MTOR: variants seen among roughly 807,000 people sequenced by gnomAD.
MTOR encodes mechanistic target of rapamycin kinase, also known as serine/threonine-protein kinase mTOR.
MTOR carries 70 observed loss-of-function variants against 319.8 expected under a neutral mutation model. The observed-to-expected ratio is 0.22, with a 90% confidence interval of 0.18 to 0.27. The LOEUF is 0.27. MTOR is among the 10% of genes least tolerant of loss of function. MTOR has a pLI of 1.00. For synonymous variants in MTOR, 1,183 were observed against 1,211.4 expected, an observed-to-expected ratio of 0.98 and a Z score of 0.49; for missense variants, 1,890 against 3,274.4, an observed-to-expected ratio of 0.58 and a Z score of 10.32.
intron 14 of MTOR, 85 bp downstream of exon 14, chr1:11,234,057 AC>A: frequency 6.4e-7 from 1 of 1,567,680 alleles, no homozygotes; most frequent in South Asian, 1.1e-5. Flanking sequence ...TGTTCAGTGT[AC>A]TAGTGAACAC....
intron 28 of MTOR, among the ~76,000 whole-genome samples, chr1:11,168,255 G>A (rs1276864154): frequency 6.6e-6 from 1 of 151,076 alleles, no homozygotes; most frequent in Non-Finnish European, 1.5e-5. Flanking sequence ...TGTTGTCCAG[G>A]CTGGTCTCGG....
intron 6 of MTOR, among the ~76,000 whole-genome samples, chr1:11,249,287 T>C (rs1010748453): frequency 6.6e-6 from 1 of 152,040 alleles, no homozygotes; most frequent in African/African-American, 2.4e-5. Context: ...GAGAAGGAGA[T>C]ACAAGTTTTC....
At chr1:11,151,654 C>G (rs949453668) in intron 30 of MTOR, among the ~76,000 whole-genome samples, 1 of 152,196 alleles carries the variant, frequency 6.6e-6, no homozygotes, top group African/African-American at 2.4e-5. Context: ...CCAGGGGTCA[C>G]AGTTTGAGAA....
chr1:11,126,530 G>T, intron 46 of MTOR, 92 bp downstream of exon 46: 1 of 1,388,640 alleles, frequency 7.2e-7, no homozygotes, highest in Non-Finnish European at 9.9e-7. Context: ...GGTGAGTAGT[G>T]GGAATGGCAA....
chr1:11,254,287 A>C (rs1191130689), intron 5 of MTOR, among the ~76,000 whole-genome samples: 2 of 152,018 alleles, frequency 1.3e-5, no homozygotes, highest in African/African-American at 4.8e-5. Context: ...TTACAGGCAC[A>C]CACTACCACG....
In MTOR at chr1:11,117,064, T is replaced by C. The variant is rs1642202315; in HGVS notation, c.6956A>G (p.Asn2319Ser). 6.2e-7 allele frequency: 1 copy of C among 1,613,266 alleles called. No homozygotes were observed. Among genetic ancestry groups the C allele is most frequent in the Non-Finnish European group, 8.5e-7 (1 of 1,179,840 alleles). ...SSEVWFDRRT[N>S]YTRSLAVMSM... The stretch of plus-strand genomic sequence containing the variant: ...CATGACCGCTAAAGAACGGGTATAA[T>C]TGGTTCTTCGGTCAAACCACACCTA... Residue 2319 changes from asparagine to serine, a missense_variant, in exon 50 of 58, where the codon AAT (asparagine) becomes AGT (serine). Around this residue, in one of 15 missense-constraint regions of MTOR, gnomAD observed 249 missense variants for 596.2 expected, o/e 0.42. Coordinates refer to ENST00000361445, the MANE Select transcript of MTOR (RefSeq NM_004958.4).
At chr1:11,192,830 T>C (rs1345428759) in intron 28 of MTOR, among the ~76,000 whole-genome samples, 1 of 151,492 alleles carries the variant, frequency 6.6e-6, no homozygotes, top group Non-Finnish European at 1.5e-5. Context: ...ACTCAGTTTA[T>C]GCCCTGCACT....
At position 11,156,708 on chromosome 1, in the gene MTOR, T is replaced by C. The variant is rs191009689; in HGVS notation, c.4469+444A>G. ...CTGTTTTCTTGTGTATTTTGTTTCC[T>C]TGGAGCCTGGCATAGTGCTGGACAC... On this transcript the variant is annotated intron_variant, in intron 30 of 57. Transcript: ENST00000361445. Among the ~76,000 whole-genome samples, 12 of 152,286 alleles carry C rather than the reference T, an allele frequency of 7.9e-5. No homozygotes were observed. The East Asian group carries it at 1.4e-3, about 17-fold the overall frequency.
intron 5 of MTOR, among the ~76,000 whole-genome samples, chr1:11,255,478 G>A (rs952852980): frequency 1.3e-5 from 2 of 149,790 alleles, no homozygotes; most frequent in Non-Finnish European, 2.9e-5. Flanking sequence ...ATAATGTATA[G>A]AATAATGGTA....
At chr1:11,114,167 T>A in intron 53 of MTOR, 151 bp downstream of exon 53, 1 of 841,476 alleles carries the variant, frequency 1.2e-6, no homozygotes, top group South Asian at 1.7e-5. Flanking sequence ...GCCTAATTTT[T>A]TCAGTTTTTG....
Position 11,139,643 on chromosome 1 carries a change from C to T in MTOR, c.4888G>A (p.Val1630Ile), listed in dbSNP as rs2100479323. ...WERLQGCQRI[V>I]EDWQKILMVR... ...ATAAGGATTTTCTGCCAGTCCTCTA[C>T]GATACGCTGGCAGCCCTGGAACATT... The change falls in exon 35 of 58, where the codon GTA (valine) becomes ATA (isoleucine). Residue 1630 changes from valine to isoleucine, a missense_variant. Val to Ile is a conservative substitution (Grantham distance 29). Around this residue, in one of 15 missense-constraint regions of MTOR, gnomAD observed 276 missense variants for 459.4 expected, o/e 0.60. Transcript: ENST00000361445. 2 of 1,614,186 alleles carry T rather than the reference C, an allele frequency of 1.2e-6. No individual in the cohort carries two copies. The highest frequency in any genetic ancestry group is 2.2e-5 in the East Asian group (1 of 44,890).
At chr1:11,172,453 A>C (rs532906075) in intron 28 of MTOR, among the ~76,000 whole-genome samples, 1 of 150,028 alleles carries the variant, frequency 6.7e-6, no homozygotes, top group South Asian at 2.1e-4. Flanking sequence ...CTAGCTACAC[A>C]GGAGACTGAG....
Position 11,238,540 on chromosome 1 carries a change from C to A in MTOR, c.1864G>T (p.Ala622Ser), listed in dbSNP as rs749638105. 1.2e-6 allele frequency: 2 copies of A among 1,614,210 alleles called. No homozygotes were observed. The highest frequency in any genetic ancestry group is 1.7e-6 in the Non-Finnish European group (2 of 1,180,044). The change falls in exon 12 of 58, where the codon GCT (alanine) becomes TCT (serine). Residue 622 changes from alanine to serine, a missense_variant. Ala to Ser is a moderately conservative substitution (Grantham distance 99). Around this residue, in one of 15 missense-constraint regions of MTOR, gnomAD observed 418 missense variants for 543.1 expected, o/e 0.77. Transcript: ENST00000361445. Reference sequence around the variant, plus strand: ...AGCAGGCGGGAGCAGGTGCGGGCAGCCTCCATGCGGATCTCCTTGTGCTCA... The same window carrying A: ...AGCAGGCGGGAGCAGGTGCGGGCAGACTCCATGCGGATCTCCTTGTGCTCA... ...NSEHKEIRME[A>S]ARTCSRLLTP... is the part of the protein sequence containing the mutation.
chr1:11,190,916 A>G (rs947068171), intron 28 of MTOR, among the ~76,000 whole-genome samples: 1 of 152,258 alleles, frequency 6.6e-6, no homozygotes, highest in Admixed American at 6.5e-5. Flanking sequence ...AAAAGTTTTA[A>G]CATGAAACCA....
intron 45 of MTOR, 50 bp downstream of exon 45, chr1:11,126,960 A>G (rs1327129970): frequency 1.2e-6 from 2 of 1,606,388 alleles, no homozygotes; most frequent in Admixed American, 1.7e-5. Context: ...ACAGTAAAAC[A>G]GAAAGGACTA....
chr1:11,158,727 A>G (rs892382809), intron 29 of MTOR, among the ~76,000 whole-genome samples: 1 of 152,072 alleles, frequency 6.6e-6, no homozygotes, highest in Admixed American at 6.6e-5. Context: ...TGGAAAAGAA[A>G]AAAAAAAGAG....
intron 28 of MTOR, among the ~76,000 whole-genome samples, chr1:11,185,464 G>T (rs548407334): frequency 1.7e-4 from 26 of 151,994 alleles, no homozygotes; most frequent in African/African-American, 6.0e-4. Flanking sequence ...AAGATAGTTG[G>T]GTGTGGTGGT....
intron 19 of MTOR, among the ~76,000 whole-genome samples, chr1:11,227,362 CAAAT>C (rs1262478766): frequency 8.4e-6 from 1 of 119,034 alleles, no homozygotes; most frequent in Non-Finnish European, 1.7e-5. Flanking sequence ...ACAATAGAAA[CAAAT>C]AAACAGTATG....
chr1:11,129,890 G>A lies in MTOR; in HGVS notation c.5614-52C>T, dbSNP rs1160865317. 6.6e-7 allele frequency: 1 copy of A among 1,516,244 alleles called. No homozygotes were observed. Among genetic ancestry groups the A allele is most frequent in the Admixed American group, 1.7e-5 (1 of 58,924 alleles). 93.9% of individuals were successfully genotyped at this position (1,516,244 alleles called of 1,614,324 possible). On this transcript the variant is annotated intron_variant, in intron 39 of 57. Transcript: ENST00000361445. This position sits in a 1 kb window ranked among gnomAD's most constrained non-coding sequence, Gnocchi z 4.7. Reference sequence around the variant, plus strand: ...CACTCTTGCCTCTGCTTTCTCATCTGTAAAATGGGCATAAGAGCATACTAA... The same window carrying A: ...CACTCTTGCCTCTGCTTTCTCATCTATAAAATGGGCATAAGAGCATACTAA...
Sources: gnomAD v4.1 joint callset for allele counts (sites outside exome capture counted in the v4.1 genomes callset) on GRCh38, gnomAD v4.1.1 for gene constraint, gnomAD v4.1.1 regional missense constraint, Gnocchi (gnomAD v3.1) non-coding constraint, MANE v1.5 for transcripts, NCBI Gene and HGNC (gene_info 2026-07-23, HGNC 2026-07-21) for gene names.